SASH1: variants seen among roughly 807,000 people sequenced by gnomAD.
The protein encoded by SASH1 is SAM and SH3 domain containing 1.
Under a neutral mutation model 125.2 loss-of-function variants are expected in SASH1, and 44 were observed. The observed-to-expected ratio is 0.35, with a 90% CI of 0.28 to 0.45. The LOEUF is 0.45. Among genes scored for constraint, SASH1 ranks in the 20% least tolerant of loss-of-function variants. The pLI is 1.00. For missense variants in SASH1, 1,426 were observed against 1,614.5 expected (o/e 0.88, Z 2.00); for synonymous variants, 639 against 649.1 (o/e 0.98, Z 0.24).
chr6:148,347,071 G>C (rs1264913293), intron 1 of SASH1, among the ~76,000 whole-genome samples: 1 of 152,080 alleles, frequency 6.6e-6, no homozygotes, highest in Admixed American at 6.5e-5. Context: ...TTTTAAGAGC[G>C]GGAATTGCTA....
chr6:148,312,274 G>T (rs890088730), intron 1 of SASH1, among the ~76,000 whole-genome samples: 1 of 152,144 alleles, frequency 6.6e-6, no homozygotes, highest in Non-Finnish European at 1.5e-5. Context: ...GATTTTTAGT[G>T]TGTAAATTAT....
chr6:148,206,863 C>T, the SASH1 span, among the ~76,000 whole-genome samples: 1 of 150,264 alleles, frequency 6.7e-6, no homozygotes, highest in African/African-American at 2.5e-5. Context: ...CATTAAAAAA[C>T]ATTCAGCTTG....
intron 4 of SASH1, among the ~76,000 whole-genome samples, chr6:148,443,260 A>C (rs1438844159): frequency 1.3e-5 from 2 of 150,674 alleles, no homozygotes; most frequent in East Asian, 1.9e-4. Flanking sequence ...TGTTTGATGA[A>C]GTATTTGTTG....
At chr6:148,326,120 T>G (rs1048265601) in intron 1 of SASH1, among the ~76,000 whole-genome samples, 18 of 147,778 alleles carry the variant, frequency 1.2e-4, no homozygotes, top group African/African-American at 4.5e-4. Flanking sequence ...CTCCACCTCC[T>G]GGGTTCAAGC....
rs761567736 is a variant in SASH1, at chr6:148,543,975, C to A, written c.2505C>A (p.Pro835=). ...GCCCCCAGACTGTGGACACTTGGCC[C>A]CGATCCCATTCCCTGGATGACCTTC... ...LEGPQTVDTW[P]RSHSLDDLQV... The change falls in exon 18 of 20, where the codon CCC becomes CCA. Residue 835 remains proline, a synonymous_variant. Coordinates refer to ENST00000367467, the MANE Select transcript of SASH1 (RefSeq NM_015278.5). 3.1e-6 allele frequency: 5 copies of A among 1,614,072 alleles called. No individual in the cohort carries two copies. The highest frequency in any genetic ancestry group is 1.1e-5 in the South Asian group (1 of 91,070).
chr6:148,323,904 A>G (rs1180601037), intron 1 of SASH1, among the ~76,000 whole-genome samples: 1 of 152,016 alleles, frequency 6.6e-6, no homozygotes, highest in Non-Finnish European at 1.5e-5. Flanking sequence ...AGGCAGGAGG[A>G]TCACGAGGTC....
intron 2 of SASH1, among the ~76,000 whole-genome samples, chr6:148,402,889 G>C (rs186078562): frequency 6.6e-6 from 1 of 151,950 alleles, no homozygotes; most frequent in Admixed American, 6.5e-5. Context: ...GATTACAAGC[G>C]TGAGCCACAG....
chr6:148,314,930 G>A (rs570969281), intron 1 of SASH1, among the ~76,000 whole-genome samples: 18 of 152,018 alleles, frequency 1.2e-4, no homozygotes, highest in African/African-American at 4.3e-4. Context: ...CTAATTTTTT[G>A]TATTTTTAGT....
intron 1 of SASH1, among the ~76,000 whole-genome samples, chr6:148,318,567 T>G (rs78287747): frequency 0.074 from 11,275 of 151,454 alleles, 649 homozygotes; most frequent in East Asian, 0.31. Context: ...TTTTTTTTTT[T>G]TTTGAGACGG....
chr6:148,516,211 A>G (rs980056406), intron 9 of SASH1, among the ~76,000 whole-genome samples: 3 of 152,214 alleles, frequency 2.0e-5, no homozygotes, highest in African/African-American at 7.2e-5. Context: ...GATTTAGTGA[A>G]CTCAAATCCT....
At chr6:148,265,475 A>G in the SASH1 span, among the ~76,000 whole-genome samples, 1 of 152,198 alleles carries the variant, frequency 6.6e-6, no homozygotes, top group Non-Finnish European at 1.5e-5. Flanking sequence ...GAACTTCTGC[A>G]AAGAGTTTGT....
the SASH1 span, among the ~76,000 whole-genome samples, chr6:148,194,655 C>G: frequency 2.0e-5 from 3 of 152,172 alleles, no homozygotes; most frequent in Non-Finnish European, 4.4e-5. Flanking sequence ...TGCCTGTAAT[C>G]CCAGCACTTT....
rs572555745 is a variant in SASH1, at chr6:148,381,029, T to C, written c.157-9105T>C. Among the ~76,000 whole-genome samples the C allele has an allele frequency of 3.9e-5, 6 of 152,330 alleles. No individual in the cohort carries two copies. In the East Asian group the frequency reaches 7.7e-4, roughly 20 times the overall value. ...AAATATCCTGTGAACTGTTGATGAT[T>C]GAAGGGCATAAACACAGGCGAATGT... On this transcript the variant is annotated intron_variant, in intron 1 of 19. Coordinates refer to ENST00000367467, the MANE Select transcript of SASH1 (RefSeq NM_015278.5).
intron 4 of SASH1, among the ~76,000 whole-genome samples, chr6:148,446,002 G>A (rs1246857540): frequency 6.6e-6 from 1 of 151,454 alleles, no homozygotes; most frequent in Non-Finnish European, 1.5e-5. Flanking sequence ...CCAGAATTGG[G>A]TCACTTGACC....
At chr6:148,408,243 G>T (rs952346299) in intron 2 of SASH1, among the ~76,000 whole-genome samples, 16 of 150,684 alleles carry the variant, frequency 1.1e-4, no homozygotes, top group Non-Finnish European at 2.4e-4. Flanking sequence ...AAGTAGCAGG[G>T]ACTACAGGTG....
At position 148,548,416 on chromosome 6, in the gene SASH1, CG is replaced by C; in HGVS notation, c.3605del (p.Gly1202AlafsTer5). Reference protein sequence around the residue: ...LPMYAGTLSTAGFSTLSQVPS... With the variant: ...LPMYAGTLSTXGFSTLSQVPS... ...ATGTACGCCGGCACCCTCTCCACCG[CG>C]GGCTTCAGCACACTGAGCCAAGTGC... On this transcript the variant is annotated frameshift_variant, in exon 20 of 20. Coordinates refer to ENST00000367467, the MANE Select transcript of SASH1 (RefSeq NM_015278.5). LOFTEE classifies it high-confidence loss of function. 1 of 1,614,232 alleles carries C rather than the reference CG, an allele frequency of 6.2e-7. No individual in the cohort carries two copies. Among genetic ancestry groups the C allele is most frequent in the Non-Finnish European group, 8.5e-7 (1 of 1,180,040 alleles).
intron 2 of SASH1, among the ~76,000 whole-genome samples, chr6:148,434,948 T>A (rs891074924): frequency 2.0e-5 from 3 of 152,158 alleles, no homozygotes; most frequent in African/African-American, 7.2e-5. Flanking sequence ...CTTATGCCTG[T>A]AATCCCAGCA....
chr6:148,284,177 G>A (rs1039934631), intron 1 of SASH1, among the ~76,000 whole-genome samples: 1 of 151,966 alleles, frequency 6.6e-6, no homozygotes, highest in Non-Finnish European at 1.5e-5. Flanking sequence ...GTTGGCGCAC[G>A]CCTGTAATCC....
At chr6:148,305,372 C>T (rs1780098096) in intron 1 of SASH1, among the ~76,000 whole-genome samples, 1 of 151,308 alleles carries the variant, frequency 6.6e-6, no homozygotes. Context: ...CTTCGGGAAA[C>T]CGAGGCGGGG....
Sources: gnomAD v4.1 joint callset for allele counts (sites outside exome capture counted in the v4.1 genomes callset) on GRCh38, gnomAD v4.1.1 for gene constraint, MANE v1.5 for transcripts, NCBI Gene and HGNC (gene_info 2026-07-23, HGNC 2026-07-21) for gene names.